The following CTDP1 variants were observed in gnomAD, a reference collection of about 807,000 sequenced individuals.
CTDP1 encodes CTD phosphatase 1.
In CTDP1, 47 loss-of-function variants were observed where a neutral mutation model predicts 91.8. The observed-to-expected ratio is 0.51, with a 90% CI of 0.41 to 0.65. The LOEUF (loss-of-function observed/expected upper bound fraction) is 0.65, where lower values mean the gene tolerates loss of function less well. CTDP1 is among the 30% of genes least tolerant of loss of function. CTDP1 has a pLI of 0.00. For missense variants in CTDP1, 1,272 were observed against 1,373.7 expected, an observed-to-expected ratio of 0.93 and a Z score of 1.17; for synonymous variants, 656 against 598.5, an observed-to-expected ratio of 1.10 and a Z score of -1.40.
intron 11 of CTDP1, among the ~76,000 whole-genome samples, chr18:79,734,534 T>C: frequency 6.6e-6 from 1 of 151,184 alleles, no homozygotes; most frequent in East Asian, 1.9e-4. Flanking sequence ...CGGGCTGCCC[T>C]GCCTCACCAG....
At position 79,718,020 on chromosome 18, in the gene CTDP1, CG is replaced by C. The variant is rs571977961; in HGVS notation, c.2417+5del. On this transcript the variant is annotated splice_donor_5th_base_variant and intron_variant, in intron 10 of 12. Transcript: ENST00000613122. ...GCCAGGAGCCCTCTTCCTTCAGGTACGTGGCGGCCCAGCCACTGTCCCCAGC... is the reference window on the plus strand; with the variant it reads ...GCCAGGAGCCCTCTTCCTTCAGGTACTGGCGGCCCAGCCACTGTCCCCAGC... 5.6e-6 allele frequency: 9 copies of C among 1,612,796 alleles called. No individual in the cohort carries two copies. In the East Asian group the frequency reaches 1.8e-4, roughly 32 times the overall value.
Position 79,700,117 on chromosome 18 carries a change from G to A in CTDP1, c.621+2129G>A, listed in dbSNP as rs1022653661. On this transcript the variant is annotated intron_variant, in intron 4 of 12. Coordinates refer to ENST00000613122, the MANE Select transcript of CTDP1 (RefSeq NM_004715.5). ...ACTGGCCATTCCCTGTCTCTGTCCC[G>A]GTGCTCAGGCCTCCCTATTCCCTGA... 6.6e-5 allele frequency among the ~76,000 whole-genome samples: 10 copies of A among 152,094 alleles called. No homozygotes were observed. The East Asian group carries it at 9.6e-4, about 15-fold the overall frequency.
At position 79,729,565 on chromosome 18, in the gene CTDP1, T is replaced by C. The variant is rs940897078; in HGVS notation, c.2580+496T>C. On this transcript the variant is annotated intron_variant, in intron 11 of 12. Transcript: ENST00000613122. ...GACTGGTGATTCTCACAGCATCTCGTTATCACAGCGCGAAACAACTTTAGG... is the reference window on the plus strand; with the variant it reads ...GACTGGTGATTCTCACAGCATCTCGCTATCACAGCGCGAAACAACTTTAGG... Among the ~76,000 whole-genome samples the C allele has an allele frequency of 2.0e-5, 3 of 152,228 alleles. No homozygotes were observed. In the South Asian group the frequency reaches 6.2e-4, roughly 32 times the overall value.
Position 79,710,363 on chromosome 18 carries a change from A to G in CTDP1, c.790A>G (p.Lys264Glu). The change falls in exon 6 of 13, where the codon AAG becomes GAG. Residue 264 changes from lysine (K) to glutamate (E), a missense_variant. Physicochemically the swap from Lys to Glu is moderately conservative, Grantham distance 56. This residue lies in a region of CTDP1 where 177 missense variants were observed against 283.0 expected (regional missense o/e 0.63). Transcript: ENST00000613122. ...HTIAGFLDPE[K>E]KLFSHRILSR... ...TTTCCAAGGCTTTTTAGACCCCGAG[A>G]AGAAGCTTTTTTCTCACCGAATATT... is the stretch of plus-strand genomic sequence containing the variant. The G allele has an allele frequency of 6.2e-7, 1 of 1,613,858 alleles. No individual in the cohort carries two copies. The highest frequency in any genetic ancestry group is 8.5e-7 in the Non-Finnish European group (1 of 1,179,890).
At chr18:79,690,552 T>A (rs1301528945) in intron 1 of CTDP1, among the ~76,000 whole-genome samples, 1 of 152,232 alleles carries the variant, frequency 6.6e-6, no homozygotes, top group Non-Finnish European at 1.5e-5. Context: ...GAGGCTGGAA[T>A]GAGAGCGTTC....
chr18:79,714,910 C>G lies in CTDP1; in HGVS notation c.1450C>G (p.Arg484Gly), dbSNP rs748009889. The part of the protein sequence containing the change: ...SDGESEGKRG[R>G]QKPKAAPEGA... ...TGGCGAAAGCGAGGGGAAAAGAGGC[C>G]GGCAGAAGCCGAAGGCTGCCCCAGA... Residue 484 changes from arginine (R) to glycine (G), a missense_variant, in exon 8 of 13, where the codon CGG (arginine) becomes GGG (glycine). Transcript: ENST00000613122. 2 of 1,567,090 alleles carry G rather than the reference C, an allele frequency of 1.3e-6. No individual in the cohort carries two copies. Among genetic ancestry groups the G allele is most frequent in the East Asian group, 2.3e-5 (1 of 42,890 alleles).
intron 11 of CTDP1, among the ~76,000 whole-genome samples, chr18:79,731,220 G>T (rs1258545475): frequency 1.3e-5 from 2 of 152,198 alleles, no homozygotes; most frequent in African/African-American, 4.8e-5. Context: ...TGGAACCAGG[G>T]TCAAGTGCAG....
At chr18:79,710,686 A>ATTTTTTTTTTTTT (rs11306504) in intron 6 of CTDP1, among the ~76,000 whole-genome samples, 6 of 88,502 alleles carry the variant, frequency 6.8e-5, no homozygotes, top group Non-Finnish European at 1.0e-4. Context: ...TCGCCCGGCA[A>ATTTTTTTTTTTTT]TTTTTTTTTT....
At chr18:79,700,835 G>A (rs1291037825) in intron 4 of CTDP1, among the ~76,000 whole-genome samples, 2 of 152,212 alleles carry the variant, frequency 1.3e-5, no homozygotes, top group South Asian at 2.1e-4. Flanking sequence ...TGACTCTCTC[G>A]TTGGAGACTA....
chr18:79,728,972 A>G lies in CTDP1; in HGVS notation c.2483A>G (p.Gln828Arg). Reference protein sequence around the residue: ...EELPDAQDGEQPGPSRRKRQP... With the variant: ...EELPDAQDGERPGPSRRKRQP... ...CTGCCTGACGCTCAGGACGGAGAGC[A>G]GCCTGGCCCTTCTAGAAGAAAGCGA... The change falls in exon 11 of 13, where the codon CAG (glutamine) becomes CGG (arginine). Residue 828 changes from glutamine to arginine, a missense_variant. By Grantham distance (43) the Gln-to-Arg change is conservative. Around this residue, in one of 3 missense-constraint regions of CTDP1, gnomAD observed 881 missense variants for 911.6 expected, o/e 0.97. Coordinates refer to ENST00000613122, the MANE Select transcript of CTDP1 (RefSeq NM_004715.5). The G allele has an allele frequency of 6.2e-7, 1 of 1,614,198 alleles. No homozygotes were observed. Among genetic ancestry groups the G allele is most frequent in the Non-Finnish European group, 8.5e-7 (1 of 1,180,050 alleles).
intron 11 of CTDP1, among the ~76,000 whole-genome samples, chr18:79,734,222 G>A (rs895460348): frequency 2.0e-5 from 3 of 152,202 alleles, no homozygotes; most frequent in South Asian, 4.1e-4. Flanking sequence ...GTGCTGACAC[G>A]TTTTCAGCCT....
intron 5 of CTDP1, among the ~76,000 whole-genome samples, chr18:79,705,726 G>A (rs1362231200): frequency 6.6e-6 from 1 of 152,238 alleles, no homozygotes; most frequent in Non-Finnish European, 1.5e-5. Flanking sequence ...TTGTTAGACT[G>A]AGCATTTTAA....
chr18:79,725,469 G>A (rs917300539), intron 10 of CTDP1, among the ~76,000 whole-genome samples: 3 of 151,848 alleles, frequency 2.0e-5, no homozygotes, highest in South Asian at 2.1e-4. Context: ...GACCTGCTGC[G>A]TTTGGGTGAG....
In CTDP1 at chr18:79,701,379, G is replaced by A. The variant is rs544285389; in HGVS notation, c.622-3388G>A. Among the ~76,000 whole-genome samples, 51 of 151,936 alleles carry A rather than the reference G, an allele frequency of 3.4e-4. No homozygotes were observed. The East Asian group carries it at 6.6e-3, about 20-fold the overall frequency. On this transcript the variant is annotated intron_variant, in intron 4 of 12. Coordinates refer to ENST00000613122, the MANE Select transcript of CTDP1 (RefSeq NM_004715.5). ...CAAAAAATTAGCCGGGTGTGGTGGC[G>A]GGTGCCTGTAGTCCCAGCTACTCGG... is the stretch of plus-strand genomic sequence containing the variant.
At chr18:79,732,319 T>C (rs1019740179) in intron 11 of CTDP1, among the ~76,000 whole-genome samples, 5 of 143,032 alleles carry the variant, frequency 3.5e-5, no homozygotes, top group Admixed American at 7.0e-5. Flanking sequence ...ACTTGAGACA[T>C]GAGAACTAAC....
At chr18:79,718,392 G>A (rs1233927244) in intron 10 of CTDP1, among the ~76,000 whole-genome samples, 8 of 152,170 alleles carry the variant, frequency 5.3e-5, no homozygotes, top group Admixed American at 3.3e-4. Flanking sequence ...TCTGCTCTCC[G>A]CCGGCTCCAC....
chr18:79,710,912 GC>G (rs2122599944), intron 6 of CTDP1, among the ~76,000 whole-genome samples: 1 of 152,028 alleles, frequency 6.6e-6, no homozygotes, highest in East Asian at 1.9e-4. Flanking sequence ...TTCATTGTTA[GC>G]CTCAGAATAC....
At chr18:79,678,249 A>G (rs532196126), upstream of CTDP1, 1 of 152,348 alleles carries the variant, frequency 6.6e-6, no homozygotes, top group South Asian at 2.1e-4. Context: ...ATCGCGCCCT[A>G]CTACCCCTTG....
intron 1 of CTDP1, among the ~76,000 whole-genome samples, chr18:79,681,870 GCTT>G (rs2085376585): frequency 6.6e-6 from 1 of 152,290 alleles, no homozygotes; most frequent in African/African-American, 2.4e-5. Flanking sequence ...ATTTGAGGTG[GCTT>G]CTTCCCCGTT....
Sources: gnomAD v4.1 joint callset for allele counts (sites outside exome capture counted in the v4.1 genomes callset) on GRCh38, gnomAD v4.1.1 for gene constraint, gnomAD v4.1.1 regional missense constraint, MANE v1.5 for transcripts, NCBI Gene and HGNC (gene_info 2026-07-23, HGNC 2026-07-21) for gene names.